SLC35F1: variants seen among roughly 807,000 people sequenced by gnomAD.
SLC35F1 encodes the protein solute carrier family 35 member F1.
SLC35F1 carries 14 observed loss-of-function variants against 48.7 expected under a neutral mutation model. That is an observed-to-expected ratio of 0.29 (90% CI 0.19 to 0.45). The LOEUF is 0.45. SLC35F1 is among the 20% of genes least tolerant of loss of function. The probability of loss-of-function intolerance (pLI) is 1.00; values close to 1 mark genes in which losing one functional copy is unlikely to be tolerated. For missense variants in SLC35F1, 404 were observed against 500.0 expected, an observed-to-expected ratio of 0.81 and a Z score of 1.83; for synonymous variants, 190 against 202.2, an observed-to-expected ratio of 0.94 and a Z score of 0.51.
chr6:118,058,466 C>T (rs976523874), intron 1 of SLC35F1, among the ~76,000 whole-genome samples: 1 of 152,050 alleles, frequency 6.6e-6, no homozygotes, highest in African/African-American at 2.4e-5. Flanking sequence ...AATCCCATTG[C>T]TCTGTATGCC....
At chr6:118,089,842 T>G (rs909080763) in intron 1 of SLC35F1, among the ~76,000 whole-genome samples, 20 of 152,216 alleles carry the variant, frequency 1.3e-4, no homozygotes, top group Non-Finnish European at 2.5e-4. Context: ...TTTGCAAAAC[T>G]GGAATGAAAG....
intron 1 of SLC35F1, among the ~76,000 whole-genome samples, chr6:118,127,912 C>A (rs1315023759): frequency 6.6e-6 from 1 of 152,078 alleles, no homozygotes; most frequent in South Asian, 2.1e-4. Flanking sequence ...ACCTACTCAT[C>A]GGACAAAGGG....
intron 1 of SLC35F1, among the ~76,000 whole-genome samples, chr6:118,074,674 C>T (rs1232008404): frequency 6.6e-6 from 1 of 152,090 alleles, no homozygotes; most frequent in Non-Finnish European, 1.5e-5. Context: ...TTTTTGAGAT[C>T]GGATCCCACT....
chr6:118,014,142 T>C (rs1777288727), intron 1 of SLC35F1, among the ~76,000 whole-genome samples: 1 of 152,200 alleles, frequency 6.6e-6, no homozygotes, highest in Non-Finnish European at 1.5e-5. Flanking sequence ...ACTTGCAAAA[T>C]GGGTATAATA....
intron 1 of SLC35F1, among the ~76,000 whole-genome samples, chr6:118,066,596 C>T (rs923439536): frequency 6.6e-6 from 1 of 152,082 alleles, no homozygotes; most frequent in Admixed American, 6.5e-5. Flanking sequence ...GGCTCTTGAT[C>T]CAAGGAAACT....
chr6:118,090,160 G>C (rs934278968), intron 1 of SLC35F1, among the ~76,000 whole-genome samples: 3 of 152,190 alleles, frequency 2.0e-5, no homozygotes, highest in African/African-American at 7.2e-5. Context: ...AACACCTCAA[G>C]GTGGGTTATA....
At chr6:118,307,205 C>T (rs947290636) in intron 7 of SLC35F1, among the ~76,000 whole-genome samples, 1 of 152,192 alleles carries the variant, frequency 6.6e-6, no homozygotes, top group African/African-American at 2.4e-5. Context: ...CTGACTAAGG[C>T]ACTCGTTTGT....
At chr6:117,973,173 C>T (rs995206346) in intron 1 of SLC35F1, among the ~76,000 whole-genome samples, 3 of 152,188 alleles carry the variant, frequency 2.0e-5, no homozygotes, top group Non-Finnish European at 4.4e-5. Context: ...TGGCCACCTT[C>T]TTGCTGTGCT....
At chr6:118,189,198 A>G (rs1171250138) in intron 2 of SLC35F1, among the ~76,000 whole-genome samples, 11 of 152,178 alleles carry the variant, frequency 7.2e-5, no homozygotes, top group Non-Finnish European at 1.3e-4. Context: ...GGCATAAGCC[A>G]CCATGCCCAG....
rs906801905 is a variant in SLC35F1, at chr6:118,287,955, T to C, written c.1002+2617T>C. Among the ~76,000 whole-genome samples the C allele has an allele frequency of 9.2e-5, 14 of 152,140 alleles. No individual in the cohort carries two copies. The East Asian group carries it at 2.7e-3, about 29-fold the overall frequency. On this transcript the variant is annotated intron_variant, in intron 7 of 7. Coordinates refer to ENST00000360388, the MANE Select transcript of SLC35F1 (RefSeq NM_001029858.4). ...GTGTTATCTGAAAATTAAATTACTGTATTCACTAATTTAGAATTGTAATGG... is the reference window on the plus strand; with the variant it reads ...GTGTTATCTGAAAATTAAATTACTGCATTCACTAATTTAGAATTGTAATGG...
At chr6:118,127,149 C>T (rs1457524576) in intron 1 of SLC35F1, among the ~76,000 whole-genome samples, 2 of 150,722 alleles carry the variant, frequency 1.3e-5, no homozygotes, top group Admixed American at 6.6e-5. Flanking sequence ...TTTTGAGATA[C>T]GTCCCATCAA....
At chr6:118,061,725 A>G (rs9401053) in intron 1 of SLC35F1, among the ~76,000 whole-genome samples, 35,408 of 151,710 alleles carry the variant, frequency 0.23, 4,353 homozygotes, top group East Asian at 0.36. Flanking sequence ...ATGGAAGACA[A>G]TTTTTCAATG....
chr6:118,069,859 G>C (rs561273782), intron 1 of SLC35F1, among the ~76,000 whole-genome samples: 1 of 152,126 alleles, frequency 6.6e-6, no homozygotes, highest in Non-Finnish European at 1.5e-5. Flanking sequence ...CATTTAGGCC[G>C]GGCGCGGTGG....
chr6:118,196,239 A>G lies in SLC35F1; in HGVS notation c.350-39270A>G, dbSNP rs1774799047. Among the ~76,000 whole-genome samples the G allele has an allele frequency of 2.0e-5, 3 of 152,206 alleles. No individual in the cohort carries two copies. In the South Asian group the frequency reaches 6.2e-4, roughly 32 times the overall value. On this transcript the variant is annotated intron_variant, in intron 2 of 7. Transcript: ENST00000360388. ...TGCTGGGATTGGCCAAGACTCAGCT[A>G]TTGTTGTAGGCACATGTTTCTAAGT...
At chr6:118,220,027 G>A (rs1775126219) in intron 2 of SLC35F1, among the ~76,000 whole-genome samples, 1 of 152,042 alleles carries the variant, frequency 6.6e-6, no homozygotes, top group South Asian at 2.1e-4. Context: ...GTGGGGTTGG[G>A]GGAGTGGGGA....
Position 118,285,334 on chromosome 6 carries a change from A to G in SLC35F1, c.998A>G (p.Tyr333Cys), listed in dbSNP as rs765330097. Residue 333 changes from tyrosine (Y) to cysteine (C), a missense_variant, in exon 7 of 8, where the codon TAC becomes TGC. This residue lies in a region of SLC35F1 where 306 missense variants were observed against 419.1 expected (regional missense o/e 0.73). Transcript: ENST00000360388. Reference sequence around the variant, plus strand: ...TTCTGTGGATTGTTTCTCTTCCACTACAAGGTAAGTTGAGTGAGTGCTCCT... The same window carrying G: ...TTCTGTGGATTGTTTCTCTTCCACTGCAAGGTAAGTTGAGTGAGTGCTCCT... Reference protein sequence around the residue: ...SLFCGLFLFHYKFSGLYLLSF... With the variant: ...SLFCGLFLFHCKFSGLYLLSF... 6 of 1,613,884 alleles carry G rather than the reference A, an allele frequency of 3.7e-6. No individual in the cohort carries two copies. Among genetic ancestry groups the G allele is most frequent in the Non-Finnish European group, 5.1e-6 (6 of 1,179,784 alleles).
chr6:118,262,182 T>A (rs891418535), intron 3 of SLC35F1, among the ~76,000 whole-genome samples: 7 of 151,992 alleles, frequency 4.6e-5, no homozygotes, highest in African/African-American at 1.5e-4. Flanking sequence ...GAGCACACTT[T>A]CGGAAGTGTG....
chr6:118,267,813 G>C (rs1474975597), intron 4 of SLC35F1, among the ~76,000 whole-genome samples: 1 of 152,158 alleles, frequency 6.6e-6, no homozygotes, highest in African/African-American at 2.4e-5. Context: ...TCATCAAATT[G>C]CTGTGAATCT....
chr6:117,935,264 TATTA>T (rs1201679285), intron 1 of SLC35F1, among the ~76,000 whole-genome samples: 2 of 152,250 alleles, frequency 1.3e-5, no homozygotes, highest in African/African-American at 4.8e-5. Context: ...ATCCACATGA[TATTA>T]ATTATACAGT....
Sources: gnomAD v4.1 joint callset for allele counts (sites outside exome capture counted in the v4.1 genomes callset) on GRCh38, gnomAD v4.1.1 for gene constraint, gnomAD v4.1.1 regional missense constraint, MANE v1.5 for transcripts, NCBI Gene and HGNC (gene_info 2026-07-23, HGNC 2026-07-21) for gene names.